The following SYNE1 variants were observed in gnomAD, a reference collection of about 807,000 sequenced individuals.
SYNE1 encodes the protein nesprin-1.
Under a neutral mutation model 1,111.0 loss-of-function variants are expected in SYNE1, and 616 were observed. The ratio of observed to expected loss-of-function variants is 0.55; its 90% confidence interval spans 0.52 to 0.59. SYNE1 has a LOEUF of 0.59. Among genes scored for constraint, SYNE1 ranks in the 20% least tolerant of loss-of-function variants. The pLI, the probability that SYNE1 is intolerant of heterozygous loss-of-function variation, is 0.00. For missense variants in SYNE1, 10,006 were observed against 10,417.0 expected (o/e 0.96, Z 1.72); for synonymous variants, 3,855 against 3,825.8 (o/e 1.01, Z -0.28).
chr6:152,550,261 A>G (rs1277633726), intron 3 of SYNE1, among the ~76,000 whole-genome samples: 2 of 143,932 alleles, frequency 1.4e-5, no homozygotes, highest in Admixed American at 1.4e-4. Context: ...GTTTGGTCTC[A>G]TGTGGTGGGA....
rs1039019832 is a variant in SYNE1 at position 152,463,434 on chromosome 6, A to T, written c.2016T>A (p.Asp672Glu). Residue 672 changes from aspartate (D) to glutamate (E), a missense_variant, in exon 19 of 146, where the codon GAT becomes GAA. This residue lies in a region of SYNE1 where 1,971 missense variants were observed against 2,084.1 expected (regional missense o/e 0.95). Transcript: ENST00000367255. ...DAGNFLIETCDEMVSRDLKQQ... is the reference protein window; with the variant it reads ...DAGNFLIETCEEMVSRDLKQQ... ...GCTTCAGGTCACGGGAAACCATCTCATCACAGGTTTCAATTAGAAAATTGC... is the reference window on the plus strand; with the variant it reads ...GCTTCAGGTCACGGGAAACCATCTCTTCACAGGTTTCAATTAGAAAATTGC... 2 of 1,607,048 alleles carry T rather than the reference A, an allele frequency of 1.2e-6. No individual in the cohort carries two copies. The highest frequency in any genetic ancestry group is 2.2e-5 in the East Asian group (1 of 44,840).
chr6:152,354,145 A>G (rs764090778), intron 67 of SYNE1, among the ~76,000 whole-genome samples: 11 of 152,298 alleles, frequency 7.2e-5, no homozygotes, highest in Admixed American at 2.0e-4. Flanking sequence ...GTCTCCAAAA[A>G]AATTAAATAA....
At chr6:152,393,492 C>G (rs1311956128) in intron 51 of SYNE1, among the ~76,000 whole-genome samples, 2 of 151,482 alleles carry the variant, frequency 1.3e-5, no homozygotes, top group Non-Finnish European at 2.9e-5. Flanking sequence ...ATTCAGCAAA[C>G]ATTTTCTATT....
At chr6:152,343,909 T>C (rs1212500940) in intron 74 of SYNE1, among the ~76,000 whole-genome samples, 172 bp downstream of exon 74, 2 of 152,216 alleles carry the variant, frequency 1.3e-5, no homozygotes, top group Admixed American at 1.3e-4. Context: ...CTCAGTATCA[T>C]GTCCATCTTC....
At chr6:152,293,522 A>G in intron 95 of SYNE1, 66 bp downstream of exon 95, 1 of 1,573,698 alleles carries the variant, frequency 6.4e-7, no homozygotes, top group South Asian at 1.1e-5. Context: ...CATGCCTGAC[A>G]GGCCAACCAG....
At chr6:152,489,860 C>T (rs1293860695) in intron 11 of SYNE1, among the ~76,000 whole-genome samples, 1 of 152,132 alleles carries the variant, frequency 6.6e-6, no homozygotes, top group Non-Finnish European at 1.5e-5. Context: ...GCACCACCCC[C>T]AGAGTTTCTG....
intron 91 of SYNE1, among the ~76,000 whole-genome samples, chr6:152,303,098 C>CTTTTTTTTTTTTTTTT (rs71017533): frequency 5.6e-5 from 6 of 107,086 alleles, no homozygotes; most frequent in South Asian, 3.2e-4. Flanking sequence ...AACTATTATT[C>CTTTTTTTTTTTTTTTT]TTTTTTTTTT....
intron 145 of SYNE1, chr6:152,125,882 T>C (rs1294190564): frequency 1.3e-5 from 2 of 152,242 alleles, no homozygotes; most frequent in African/African-American, 2.4e-5. Context: ...TGGCAAACCA[T>C]TGAATCATAA....
intron 12 of SYNE1, among the ~76,000 whole-genome samples, chr6:152,487,863 C>T (rs149150496): frequency 0.037 from 5,557 of 152,094 alleles, 138 homozygotes; most frequent in Non-Finnish European, 0.056. Flanking sequence ...ATCCCGAGGT[C>T]AGGAGATTGA....
At chr6:152,244,764 C>T (rs2086677479) in intron 105 of SYNE1, 108 bp from the exon 106 acceptor site, 1 of 1,364,374 alleles carries the variant, frequency 7.3e-7, no homozygotes, top group Non-Finnish European at 1.0e-6. Context: ...GTAAAACATT[C>T]TCAATATATA....
intron 127 of SYNE1, among the ~76,000 whole-genome samples, chr6:152,192,953 T>C (rs2072971520): frequency 6.6e-6 from 1 of 152,184 alleles, no homozygotes; most frequent in Non-Finnish European, 1.5e-5. Flanking sequence ...TGTATGTGTG[T>C]CTTTACAGAT....
intron 3 of SYNE1, among the ~76,000 whole-genome samples, chr6:152,622,718 G>A (rs1316645087): frequency 3.9e-5 from 6 of 152,088 alleles, no homozygotes; most frequent in Non-Finnish European, 7.4e-5. Flanking sequence ...GTAGTGCTGC[G>A]ATGAACATAT....
chr6:152,286,299 C>A (rs2094324209), intron 95 of SYNE1, among the ~76,000 whole-genome samples: 1 of 152,158 alleles, frequency 6.6e-6, no homozygotes, highest in African/African-American at 2.4e-5. Context: ...CTTGCTACTG[C>A]TGTCCTCAAA....
At chr6:152,302,718 G>A (rs1044896544) in intron 91 of SYNE1, among the ~76,000 whole-genome samples, 2 of 152,182 alleles carry the variant, frequency 1.3e-5, no homozygotes, top group African/African-American at 4.8e-5. Flanking sequence ...TGTCTCAAAT[G>A]TTGCTGAGGC....
chr6:152,316,741 G>T, intron 87 of SYNE1, 108 bp downstream of exon 87: 2 of 1,323,790 alleles, frequency 1.5e-6, no homozygotes, highest in Non-Finnish European at 2.1e-6. Context: ...TTTTTATCTG[G>T]TAGCTCCAAA....
intron 14 of SYNE1, among the ~76,000 whole-genome samples, chr6:152,475,483 G>A (rs185068999): frequency 6.6e-6 from 1 of 152,238 alleles, no homozygotes; most frequent in East Asian, 1.9e-4. Flanking sequence ...TCATGTCATT[G>A]CTGAATGTAT....
chr6:152,529,967 T>C (rs2099188013), intron 4 of SYNE1, among the ~76,000 whole-genome samples: 1 of 152,030 alleles, frequency 6.6e-6, no homozygotes, highest in Non-Finnish European at 1.5e-5. Context: ...CATAAAAAGA[T>C]CTATCAAGGT....
At chr6:152,597,258 G>T (rs1009998546) in intron 3 of SYNE1, among the ~76,000 whole-genome samples, 1 of 152,008 alleles carries the variant, frequency 6.6e-6, no homozygotes, top group East Asian at 1.9e-4. Flanking sequence ...ACTACCTAAA[G>T]CACTTTCCTG....
At chr6:152,164,395 G>A (rs901184747) in intron 130 of SYNE1, 70 bp from the exon 131 acceptor site, 19 of 1,564,290 alleles carry the variant, frequency 1.2e-5, no homozygotes, top group Non-Finnish European at 1.6e-5. Flanking sequence ...GCGTGCAGAG[G>A]AGAACACTGG....
Sources: gnomAD v4.1 joint callset for allele counts (sites outside exome capture counted in the v4.1 genomes callset) on GRCh38, gnomAD v4.1.1 for gene constraint, gnomAD v4.1.1 regional missense constraint, MANE v1.5 for transcripts, NCBI Gene and HGNC (gene_info 2026-07-23, HGNC 2026-07-21) for gene names.